SLC25A36: variants seen among roughly 807,000 people sequenced by gnomAD.
SLC25A36 encodes epididymis secretory sperm binding protein.
In SLC25A36, 24 loss-of-function variants were observed where a neutral mutation model predicts 35.3. The ratio of observed to expected loss-of-function variants is 0.68; its 90% CI spans 0.49 to 0.96. The LOEUF (loss-of-function observed/expected upper bound fraction) is 0.96. Ranked by LOEUF, SLC25A36 falls within the 40% of genes least tolerant of loss-of-function variation. The pLI, the probability that SLC25A36 is intolerant of heterozygous loss-of-function variation, is 0.00. For synonymous variants in SLC25A36, 141 were observed against 132.2 expected, an observed-to-expected ratio of 1.07 and a Z score of -0.46; for missense variants, 294 against 381.1, an observed-to-expected ratio of 0.77 and a Z score of 1.90.
rs564467126 is a variant in SLC25A36, at chr3:140,958,854, G to C, written c.207-609G>C. Among the ~76,000 whole-genome samples the C allele has an allele frequency of 2.0e-5, 3 of 152,036 alleles. No homozygotes were observed. In the South Asian group the frequency reaches 6.2e-4, roughly 32 times the overall value. On this transcript the variant is annotated intron_variant, in intron 2 of 6. Coordinates refer to ENST00000324194, the MANE Select transcript of SLC25A36 (RefSeq NM_001104647.3). ...AAATAATGTAGAACTCTTTATCATT[G>C]TGTCTTAATCTTTCAGGAAAGAATC...
intron 1 of SLC25A36, among the ~76,000 whole-genome samples, chr3:140,949,076 T>G (rs777767490): frequency 6.6e-6 from 1 of 151,430 alleles, no homozygotes; most frequent in Non-Finnish European, 1.5e-5. Context: ...CAGGGTTGTT[T>G]TATTTGTTTT....
intron 5 of SLC25A36, among the ~76,000 whole-genome samples, chr3:140,971,520 C>T (rs1361183712): frequency 6.6e-6 from 1 of 152,140 alleles, no homozygotes; most frequent in Non-Finnish European, 1.5e-5. Context: ...GATACTGCTA[C>T]GTCTTAGAGA....
intron 3 of SLC25A36, among the ~76,000 whole-genome samples, chr3:140,960,855 TAGAA>T (rs1418419750): frequency 1.3e-5 from 2 of 152,206 alleles, no homozygotes; most frequent in South Asian, 4.1e-4. Context: ...AACTAGCAGT[TAGAA>T]AGGGGAAGAT....
chr3:140,959,910 C>T (rs1369501429), intron 3 of SLC25A36, among the ~76,000 whole-genome samples: 1 of 151,890 alleles, frequency 6.6e-6, no homozygotes, highest in Non-Finnish European at 1.5e-5. Context: ...AATAAAGTAT[C>T]GCATATTATA....
intron 4 of SLC25A36, among the ~76,000 whole-genome samples, chr3:140,967,757 A>C (rs1934799101): frequency 6.6e-6 from 1 of 151,938 alleles, no homozygotes; most frequent in African/African-American, 2.4e-5. Flanking sequence ...ATTTTTAAAA[A>C]TTTTTTAAGC....
At position 140,978,437 on chromosome 3, in the gene SLC25A36, A is replaced by T. The variant is rs1935106605; in HGVS notation, c.*1984A>T. ...ATTTGCCTTGTGAAGACCCATAAAC[A>T]TTCATTGTGTTGAATGTAAGATAGA... On this transcript the variant is annotated 3_prime_UTR_variant, in exon 7 of 7. Coordinates refer to ENST00000324194, the MANE Select transcript of SLC25A36 (RefSeq NM_001104647.3). The T allele has an allele frequency of 6.6e-6, 1 of 152,188 alleles. No individual in the cohort carries two copies. The highest frequency in any genetic ancestry group is 2.4e-5 in the African/African-American group (1 of 41,440). 9.4% of individuals were successfully genotyped at this position (152,188 alleles called of 1,614,324 possible).
intron 4 of SLC25A36, chr3:140,964,811 A>G (rs1576484917): frequency 6.6e-6 from 1 of 151,878 alleles, no homozygotes; most frequent in Non-Finnish European, 1.5e-5. Flanking sequence ...GAGGTTCAGA[A>G]TATCTTTATT....
At chr3:140,961,855 C>CAA (rs553759457) in intron 3 of SLC25A36, among the ~76,000 whole-genome samples, 1,184 of 35,802 alleles carry the variant, frequency 0.033, 171 homozygotes, top group South Asian at 0.064. Context: ...GGCTCCGTCT[C>CAA]AAAAAAAAAA....
intron 1 of SLC25A36, chr3:140,942,401 G>A (rs1934035438): frequency 1.4e-5 from 4 of 276,066 alleles, no homozygotes; most frequent in Non-Finnish European, 6.9e-6. Context: ...CGGGGCCGGG[G>A]TGAGGCGGAG....
chr3:140,971,277 C>T (rs1009534972), intron 5 of SLC25A36, among the ~76,000 whole-genome samples: 1 of 152,046 alleles, frequency 6.6e-6, no homozygotes, highest in Non-Finnish European at 1.5e-5. Flanking sequence ...GATAGATTAA[C>T]CCAGCCCAAA....
In SLC25A36 at chr3:140,941,968, C is replaced by T; in HGVS notation, c.-87C>T. The stretch of plus-strand genomic sequence containing the variant: ...TCGCCGTCCCCGGGGCGCTGTGCGT[C>T]TCCAGTCCGGGACCGAAGCCGCCTG... On this transcript the variant is annotated 5_prime_UTR_variant, in exon 1 of 7. Transcript: ENST00000324194. The T allele has an allele frequency of 4.1e-6, 3 of 737,680 alleles. No homozygotes were observed. The highest frequency in any genetic ancestry group is 6.8e-6 in the Non-Finnish European group (3 of 443,568). The allele number at this position is 737,680 out of a possible 1,614,324, so 45.7% of individuals were successfully genotyped here. A position where few individuals can be genotyped will look rare whatever the true frequency, so the allele number is the denominator to read the frequency against.
rs1935165562 is a variant in SLC25A36 at position 140,980,856 on chromosome 3, G to C, written c.*4403G>C. Reference sequence around the variant, plus strand: ...TGTTTCTTTATTTTCGCACTGTGTAGACCAGCTGACTGCCTTAATATGTAT... The same window carrying C: ...TGTTTCTTTATTTTCGCACTGTGTACACCAGCTGACTGCCTTAATATGTAT... On this transcript the variant is annotated 3_prime_UTR_variant, in exon 7 of 7. Coordinates refer to ENST00000324194, the MANE Select transcript of SLC25A36 (RefSeq NM_001104647.3). 6.6e-6 allele frequency among the ~76,000 whole-genome samples: 1 copy of C among 151,960 alleles called. No homozygotes were observed. The highest frequency in any genetic ancestry group is 1.9e-4 in the East Asian group (1 of 5,176).
rs1052716169 is a variant in SLC25A36, at chr3:140,976,598, T to C, written c.*145T>C. 12 of 574,470 alleles carry C rather than the reference T, an allele frequency of 2.1e-5. No homozygotes were observed. Among genetic ancestry groups the C allele is most frequent in the Middle Eastern group, 3.9e-4 (1 of 2,554 alleles). 35.6% of individuals were successfully genotyped at this position (574,470 alleles called of 1,614,324 possible). On this transcript the variant is annotated 3_prime_UTR_variant, in exon 7 of 7. Transcript: ENST00000324194. ...AGTGGAAGTTTTGTTGTAGGAATTA[T>C]AGTAATCACACCACATTACTTGGCC...
At chr3:140,968,365 G>T in intron 4 of SLC25A36, 1 of 835,016 alleles carries the variant, frequency 1.2e-6, no homozygotes, top group South Asian at 5.5e-5. Flanking sequence ...TAAAGAGCTA[G>T]CTCTCATTGG....
At chr3:140,958,938 T>C (rs1934550933) in intron 2 of SLC25A36, among the ~76,000 whole-genome samples, 1 of 150,332 alleles carries the variant, frequency 6.7e-6, no homozygotes, top group South Asian at 2.1e-4. Context: ...CAATTTATGC[T>C]ATGTCATGAA....
At position 140,979,592 on chromosome 3, in the gene SLC25A36, T is replaced by C. The variant is rs1419291128; in HGVS notation, c.*3139T>C. 1.3e-5 allele frequency: 2 copies of C among 152,216 alleles called. No homozygotes were observed. Among genetic ancestry groups the C allele is most frequent in the Non-Finnish European group, 2.9e-5 (2 of 68,024 alleles). The allele number at this position is 152,216 out of a possible 1,614,324, so 9.4% of individuals were successfully genotyped here. ...AATACATAAAATACAATGTACAAACTTTCTGCCCACTCAGATCTCTTCTCC... is the reference window on the plus strand; with the variant it reads ...AATACATAAAATACAATGTACAAACCTTCTGCCCACTCAGATCTCTTCTCC... On this transcript the variant is annotated 3_prime_UTR_variant, in exon 7 of 7. Coordinates refer to ENST00000324194, the MANE Select transcript of SLC25A36 (RefSeq NM_001104647.3).
rs35902978 is a variant in SLC25A36 at position 140,961,941 on chromosome 3, A to G, written c.285-1186A>G. On this transcript the variant is annotated intron_variant, in intron 3 of 6. Transcript: ENST00000324194. ...GCCTTACCAATGCTGGCTACTGTCC[A>G]TCTTTTTTAAATACTTACCAAATGG... 9.4e-4 allele frequency among the ~76,000 whole-genome samples: 140 copies of G among 148,246 alleles called. 1 individual carries two copies. The highest frequency in any genetic ancestry group is 9.3e-4 in the Non-Finnish European group (63 of 67,444).
chr3:140,960,008 A>G (rs559507689), intron 3 of SLC25A36, among the ~76,000 whole-genome samples: 4 of 152,096 alleles, frequency 2.6e-5, no homozygotes, highest in Middle Eastern at 6.8e-3. Flanking sequence ...TTTGGGGGAG[A>G]TGTTGTAATC....
At chr3:140,974,369 C>T (rs1407671105) in intron 6 of SLC25A36, among the ~76,000 whole-genome samples, 1 of 151,842 alleles carries the variant, frequency 6.6e-6, no homozygotes, top group African/African-American at 2.4e-5. Flanking sequence ...TACTTATTTT[C>T]CCTGTTATGC....
Sources: allele counts gnomAD v4.1 joint callset (sites outside exome capture counted in the v4.1 genomes callset), GRCh38; gene constraint gnomAD v4.1.1; transcripts MANE v1.5; gene names NCBI Gene and HGNC (gene_info 2026-07-23, HGNC 2026-07-21).